Variants in NHLRC3 observed in about 807,000 individuals in gnomAD.
The protein encoded by NHLRC3 is NHL repeat-containing protein 3.
A neutral mutation model predicts 32.0 loss-of-function variants in NHLRC3; 23 were observed. The ratio of observed to expected loss-of-function variants is 0.72; its 90% CI spans 0.52 to 1.02. The LOEUF is 1.02. Ranked by LOEUF, NHLRC3 falls within the 50% of genes least tolerant of loss-of-function variation. The pLI, the probability that NHLRC3 is intolerant of heterozygous loss-of-function variation, is 0.00. For synonymous variants in NHLRC3, 159 were observed against 147.9 expected (o/e 1.08, Z -0.55); for missense variants, 407 against 406.8 (o/e 1.00, Z -0.01).
intron 5 of NHLRC3, 25 bp from the exon 6 acceptor site, chr13:39,047,015 A>G (rs374240542): frequency 1.1e-5 from 15 of 1,379,374 alleles, no homozygotes; most frequent in Middle Eastern, 3.5e-4. Flanking sequence ...ATATTTTTCA[A>G]TTGACATTTT....
chr13:39,038,511 G>T lies in NHLRC3; in HGVS notation c.-129G>T. 2.7e-6 allele frequency: 2 copies of T among 749,276 alleles called. No homozygotes were observed. Among genetic ancestry groups the T allele is most frequent in the Non-Finnish European group, 4.8e-6 (2 of 418,966 alleles). The allele number at this position is 749,276 out of a possible 1,614,324, so 46.4% of individuals were successfully genotyped here. On this transcript the variant is annotated 5_prime_UTR_variant, in exon 1 of 7. Transcript: ENST00000379600. ...TCAAAGCTCGTGCATCCAGGGAGGG[G>T]AAACCGGAGATAGGGTCTTCGGGCC...
At position 39,038,736 on chromosome 13, in the gene NHLRC3, G is replaced by T. The variant is rs770352486; in HGVS notation, c.84+13G>T. On this transcript the variant is annotated intron_variant, in intron 1 of 6. Coordinates refer to ENST00000379600, the MANE Select transcript of NHLRC3 (RefSeq NM_001012754.4). The stretch of plus-strand genomic sequence containing the variant: ...TTGTGGCTCTCCAGTGAGTTGGGTA[G>T]TGAGGAAATGACTGTCGGGTGTGCG... 1.9e-6 allele frequency: 3 copies of T among 1,605,818 alleles called. No individual in the cohort carries two copies. The highest frequency in any genetic ancestry group is 1.3e-5 in the African/African-American group (1 of 74,746).
upstream of NHLRC3, chr13:39,038,402 G>C: frequency 1.8e-6 from 1 of 563,124 alleles, no homozygotes. Context: ...CCTGACATGA[G>C]GGCGGGGACC....
In NHLRC3 at chr13:39,039,957, C is replaced by T. The variant is rs1220558289; in HGVS notation, c.385+246C>T. The T allele has an allele frequency of 1.8e-5, 4 of 220,334 alleles. No individual in the cohort carries two copies. The East Asian group carries it at 2.8e-4, about 15-fold the overall frequency. 13.6% of individuals were successfully genotyped at this position (220,334 alleles called of 1,614,324 possible). Reference sequence around the variant, plus strand: ...TTGGGAGGCCGAGGCGGGCGGATCACGAGGTCAGGAGATCGAGACGATCCT... The same window carrying T: ...TTGGGAGGCCGAGGCGGGCGGATCATGAGGTCAGGAGATCGAGACGATCCT... On this transcript the variant is annotated intron_variant, in intron 3 of 6. Transcript: ENST00000379600.
rs749268370 is a variant in NHLRC3, at chr13:39,044,141, T to A, written c.638T>A (p.Phe213Tyr). 2 of 1,613,808 alleles carry A rather than the reference T, an allele frequency of 1.2e-6. No homozygotes were observed. The highest frequency in any genetic ancestry group is 1.7e-6 in the Non-Finnish European group (2 of 1,179,732). The change falls in exon 5 of 7, where the codon TTC (phenylalanine) becomes TAC (tyrosine). Residue 213 changes from phenylalanine to tyrosine, a missense_variant. Physicochemically the swap from Phe to Tyr is conservative, Grantham distance 22. Transcript: ENST00000379600. ...HGENGTGPAK[F>Y]NIPHSVTLDS... ...GAAAATGGGACAGGGCCTGCTAAGT[T>A]CAACATACCTCACAGTGTTACACTT...
chr13:39,041,328 T>C (rs1871459341), intron 3 of NHLRC3: 2 of 152,172 alleles, frequency 1.3e-5, no homozygotes, highest in South Asian at 4.1e-4. Flanking sequence ...AAATAAATTA[T>C]TTAACATAGA....
rs921415935 is a variant in NHLRC3, at chr13:39,048,648, A to G, written c.*722A>G. The stretch of plus-strand genomic sequence containing the variant: ...TAATTTCCAAGTAAAGAAGGTATAA[A>G]AAGTTAGAAGTGTACTGTAAACTTT... On this transcript the variant is annotated 3_prime_UTR_variant, in exon 7 of 7. Transcript: ENST00000379600. The G allele has an allele frequency of 2.6e-5, 4 of 152,224 alleles. No homozygotes were observed. Among genetic ancestry groups the G allele is most frequent in the Non-Finnish European group, 4.4e-5 (3 of 68,044 alleles). The allele number at this position is 152,224 out of a possible 1,614,324, so 9.4% of individuals were successfully genotyped here.
At chr13:39,045,565 G>C (rs368918944) in intron 5 of NHLRC3, among the ~76,000 whole-genome samples, 166 of 152,272 alleles carry the variant, frequency 1.1e-3, no homozygotes, top group South Asian at 2.5e-3. Flanking sequence ...TTCCAGACTT[G>C]TTGTTATGTG....
chr13:39,045,475 C>T (rs1871633193), intron 5 of NHLRC3, among the ~76,000 whole-genome samples: 2 of 152,176 alleles, frequency 1.3e-5, no homozygotes, highest in Non-Finnish European at 2.9e-5. Flanking sequence ...TGTTTTATAA[C>T]AATAGCAATT....
chr13:39,042,480 TA>T (rs1199723989), intron 4 of NHLRC3, among the ~76,000 whole-genome samples, 175 bp downstream of exon 4: 1 of 152,218 alleles, frequency 6.6e-6, no homozygotes. Context: ...ATGATCCTGA[TA>T]ACAGGCCCAC....
rs1280344438 is a variant in NHLRC3, at chr13:39,050,025, A to C, written c.*2099A>C. The C allele has an allele frequency of 6.6e-6, 1 of 152,212 alleles. No individual in the cohort carries two copies. The highest frequency in any genetic ancestry group is 1.5e-5 in the Non-Finnish European group (1 of 68,028). The allele number at this position is 152,212 out of a possible 1,614,324, so 9.4% of individuals were successfully genotyped here. ...GAATGAGAAATGTGTTATGTTTTTT[A>C]CTAAAAAGTATAAATTAAAATTTTG... On this transcript the variant is annotated 3_prime_UTR_variant, in exon 7 of 7. Transcript: ENST00000379600.
chr13:39,045,554 G>C (rs1233715576), intron 5 of NHLRC3, among the ~76,000 whole-genome samples: 7 of 152,184 alleles, frequency 4.6e-5, no homozygotes, highest in African/African-American at 1.7e-4. Flanking sequence ...AGGTTAGTCA[G>C]TTCCAGACTT....
intron 2 of NHLRC3, 63 bp downstream of exon 2, chr13:39,039,351 C>T: frequency 7.5e-7 from 1 of 1,335,874 alleles, no homozygotes; most frequent in Non-Finnish European, 1.1e-6. Context: ...TCCTGTCTTG[C>T]TGTAGTAACT....
intron 3 of NHLRC3, chr13:39,041,201 T>C (rs951037186): frequency 2.0e-5 from 3 of 151,166 alleles, no homozygotes; most frequent in East Asian, 1.9e-4. Context: ...AAATTAGCCT[T>C]TTTTTTTTGA....
rs779434414 is a variant in NHLRC3 at position 39,047,844 on chromosome 13, C to G, written c.962C>G (p.Ala321Gly). Residue 321 changes from alanine to glycine, a missense_variant, in exon 7 of 7, where the codon GCA becomes GGA. By Grantham distance (60) the Ala-to-Gly change is moderately conservative. Transcript: ENST00000379600. ...CTAGAAGTCGACAGAAAGACTGGAG[C>G]AGTCTATGTAGCAGAAATTGGAGCA... ...HLLEVDRKTG[A>G]VYVAEIGAKQ... The G allele has an allele frequency of 6.2e-7, 1 of 1,613,872 alleles. No homozygotes were observed. Among genetic ancestry groups the G allele is most frequent in the East Asian group, 2.2e-5 (1 of 44,866 alleles).
In NHLRC3 at chr13:39,047,654, T is replaced by G. The variant is rs780499631; in HGVS notation, c.792-20T>G. 1.1e-5 allele frequency: 17 copies of G among 1,594,522 alleles called. No homozygotes were observed. Among genetic ancestry groups the G allele is most frequent in the Non-Finnish European group, 1.4e-5 (16 of 1,164,584 alleles). On this transcript the variant is annotated intron_variant, in intron 6 of 6. Coordinates refer to ENST00000379600, the MANE Select transcript of NHLRC3 (RefSeq NM_001012754.4). ...TGTTTTTTCACAGACATTTATTATG[T>G]TAAATGTCTTTCTCCTTAGGTTTAC...
rs771473331 is a variant in NHLRC3, at chr13:39,038,615, C to T, written c.-25C>T. On this transcript the variant is annotated 5_prime_UTR_variant, in exon 1 of 7. Transcript: ENST00000379600. The stretch of plus-strand genomic sequence containing the variant: ...CCTCCCCCAGACACCTGCGGACCCT[C>T]CCTCTCCTGGCTTCCCGTCTGGTCA... 3.1e-6 allele frequency: 5 copies of T among 1,606,292 alleles called. No homozygotes were observed. The highest frequency in any genetic ancestry group is 8.5e-7 in the Non-Finnish European group (1 of 1,172,918).
intron 2 of NHLRC3, 87 bp from the exon 3 acceptor site, chr13:39,039,477 A>G: frequency 7.8e-7 from 1 of 1,284,334 alleles, no homozygotes; most frequent in Non-Finnish European, 1.1e-6. Context: ...TTGTAGTAAA[A>G]TTCTCAGTTA....
At chr13:39,042,697 C>T (rs901607869) in intron 4 of NHLRC3, among the ~76,000 whole-genome samples, 13 of 152,184 alleles carry the variant, frequency 8.5e-5, no homozygotes, top group African/African-American at 3.1e-4. Context: ...TCTCTAGTAT[C>T]AGGAGGTGCA....
Sources: gnomAD v4.1 joint callset for allele counts (sites outside exome capture counted in the v4.1 genomes callset) on GRCh38, gnomAD v4.1.1 for gene constraint, MANE v1.5 for transcripts, NCBI Gene and HGNC (gene_info 2026-07-23, HGNC 2026-07-21) for gene names.